GRID1: variants seen among roughly 807,000 people sequenced by gnomAD.
GRID1 encodes the protein glutamate ionotropic receptor delta type subunit 1.
GRID1 carries 28 observed loss-of-function variants against 98.0 expected under a neutral mutation model. That is an observed-to-expected ratio of 0.29 (90% CI 0.21 to 0.39). The LOEUF is 0.39. GRID1 is among the 10% of genes least tolerant of loss of function. The probability of loss-of-function intolerance (pLI) is 1.00; values close to 1 mark genes in which losing one functional copy is unlikely to be tolerated. For missense variants in GRID1, 1,111 were observed against 1,340.5 expected, an observed-to-expected ratio of 0.83 and a Z score of 2.67; for synonymous variants, 553 against 538.5, an observed-to-expected ratio of 1.03 and a Z score of -0.37.
At chr10:86,119,893 C>T (rs148667422) in intron 4 of GRID1, among the ~76,000 whole-genome samples, 1 of 152,250 alleles carries the variant, frequency 6.6e-6, no homozygotes, top group African/African-American at 2.4e-5. Context: ...TGGGTTCACG[C>T]CATTCTCCTG....
At position 85,902,373 on chromosome 10, in the gene GRID1, G is replaced by A. The variant is rs534491030; in HGVS notation, c.780+13813C>T. On this transcript the variant is annotated intron_variant, in intron 5 of 15. Coordinates refer to ENST00000327946, the MANE Select transcript of GRID1 (RefSeq NM_017551.3). ...GCAGAAGAGCATGCGATTGAAAAACGTATAAATTATTTATTTATGGAATTT... is the reference window on the plus strand; with the variant it reads ...GCAGAAGAGCATGCGATTGAAAAACATATAAATTATTTATTTATGGAATTT... Among the ~76,000 whole-genome samples the A allele has an allele frequency of 5.9e-5, 9 of 152,234 alleles. No homozygotes were observed. In the East Asian group the frequency reaches 7.7e-4, roughly 13 times the overall value.
chr10:85,724,008 A>C (rs1841732964), intron 11 of GRID1, among the ~76,000 whole-genome samples: 1 of 152,298 alleles, frequency 6.6e-6, no homozygotes, highest in African/African-American at 2.4e-5. Flanking sequence ...TTCCCCATTA[A>C]GTCATCAAAT....
intron 6 of GRID1, among the ~76,000 whole-genome samples, chr10:85,856,394 C>T (rs1393039140): frequency 3.3e-5 from 5 of 152,184 alleles, no homozygotes; most frequent in African/African-American, 7.2e-5. Context: ...CCTTGCCCTG[C>T]CTCAGGAACT....
chr10:85,671,781 A>C (rs963035125), intron 12 of GRID1, among the ~76,000 whole-genome samples: 1 of 152,230 alleles, frequency 6.6e-6, no homozygotes, highest in Admixed American at 6.5e-5. Flanking sequence ...CTTGAAGAAA[A>C]CTAAAAGTGA....
At position 85,743,878 on chromosome 10, in the gene GRID1, A is replaced by C. The variant is rs369065106; in HGVS notation, c.1234-14264T>G. 2.6e-5 allele frequency among the ~76,000 whole-genome samples: 4 copies of C among 152,346 alleles called. No homozygotes were observed. In the East Asian group the frequency reaches 7.7e-4, roughly 29 times the overall value. On this transcript the variant is annotated intron_variant, in intron 8 of 15. Transcript: ENST00000327946. ...CTTTGGTTTCTCTTAATTGCATGTC[A>C]TAATGCATGCATAGGTGCATAGATA...
At chr10:86,172,337 T>C (rs1487049978) in intron 3 of GRID1, among the ~76,000 whole-genome samples, 2 of 152,230 alleles carry the variant, frequency 1.3e-5, no homozygotes, top group South Asian at 2.1e-4. Context: ...CAGTACTTCA[T>C]TACTTTTTGT....
chr10:86,246,566 C>T (rs1009709292), intron 2 of GRID1, among the ~76,000 whole-genome samples: 1 of 152,188 alleles, frequency 6.6e-6, no homozygotes, highest in Admixed American at 6.5e-5. Flanking sequence ...GCCATCTCCC[C>T]TTGCTGGCAT....
intron 8 of GRID1, among the ~76,000 whole-genome samples, chr10:85,774,408 G>C (rs1279223572): frequency 6.6e-6 from 1 of 152,176 alleles, no homozygotes; most frequent in African/African-American, 2.4e-5. Flanking sequence ...TCAGGACATA[G>C]GCATGGGCAA....
At chr10:85,627,621 C>G (rs1234159205) in intron 13 of GRID1, among the ~76,000 whole-genome samples, 2 of 152,186 alleles carry the variant, frequency 1.3e-5, no homozygotes, top group African/African-American at 4.8e-5. Flanking sequence ...CAAGCCTCAC[C>G]TTTTGTGATT....
At chr10:86,170,753 G>A (rs886909036) in intron 3 of GRID1, among the ~76,000 whole-genome samples, 1 of 152,226 alleles carries the variant, frequency 6.6e-6, no homozygotes, top group East Asian at 1.9e-4. Context: ...AGGAGGAAGA[G>A]TCCTTCTTGG....
At chr10:85,892,691 A>T (rs1014260737) in intron 5 of GRID1, among the ~76,000 whole-genome samples, 38 of 152,142 alleles carry the variant, frequency 2.5e-4, no homozygotes, top group African/African-American at 8.0e-4. Context: ...CTAAAAAAAT[A>T]GAATGTGTTC....
At chr10:85,911,465 G>C (rs1005480990) in intron 5 of GRID1, among the ~76,000 whole-genome samples, 2 of 152,128 alleles carry the variant, frequency 1.3e-5, no homozygotes, top group Non-Finnish European at 2.9e-5. Flanking sequence ...AAGTGGCAAG[G>C]GCCTGCTGAC....
At chr10:85,926,417 G>A (rs1350529887) in intron 4 of GRID1, among the ~76,000 whole-genome samples, 4 of 152,140 alleles carry the variant, frequency 2.6e-5, no homozygotes, top group Non-Finnish European at 5.9e-5. Flanking sequence ...CATCCACAAT[G>A]TAAATTTTGC....
rs542186799 is a variant in GRID1 at position 85,918,211 on chromosome 10, A to G, written c.727-1972T>C. Among the ~76,000 whole-genome samples the G allele has an allele frequency of 3.9e-5, 6 of 152,328 alleles. No individual in the cohort carries two copies. The South Asian group carries it at 1.2e-3, about 32-fold the overall frequency. On this transcript the variant is annotated intron_variant, in intron 4 of 15. Transcript: ENST00000327946. ...TGGCTGGAACACTGAACTGAATCTA[A>G]AGACTTGTGGTTTAGCAAGACCAAA...
At chr10:85,876,577 C>A (rs766386779) in intron 5 of GRID1, among the ~76,000 whole-genome samples, 3 of 152,146 alleles carry the variant, frequency 2.0e-5, no homozygotes, top group Non-Finnish European at 4.4e-5. Flanking sequence ...TCTTTGGAGT[C>A]CATTATTCAG....
At chr10:85,652,135 G>A (rs1843279154) in intron 12 of GRID1, among the ~76,000 whole-genome samples, 4 of 152,128 alleles carry the variant, frequency 2.6e-5, no homozygotes, top group Admixed American at 2.6e-4. Context: ...CTCTAGGGAA[G>A]ACCCACCATG....
intron 13 of GRID1, among the ~76,000 whole-genome samples, chr10:85,638,506 C>A (rs1378922900): frequency 1.3e-5 from 2 of 152,034 alleles, no homozygotes; most frequent in Non-Finnish European, 2.9e-5. Flanking sequence ...TTATATGGAT[C>A]AATGGAACAG....
intron 5 of GRID1, among the ~76,000 whole-genome samples, chr10:85,906,677 T>A (rs1158941331): frequency 6.6e-6 from 1 of 152,052 alleles, no homozygotes; most frequent in Non-Finnish European, 1.5e-5. Context: ...CCAAAAGTAA[T>A]ATAGAAGTAT....
Position 85,973,373 on chromosome 10 carries a change from AT to A in GRID1, c.727-57135del, listed in dbSNP as rs201981223. Among the ~76,000 whole-genome samples the A allele has an allele frequency of 1.0e-3, 153 of 152,104 alleles. No individual in the cohort carries two copies. The Middle Eastern group carries it at 0.01, about 10-fold the overall frequency. ...AGCCTACTTTTTGCTATTTGTAGTTATTTTTTTCCAAATAACTAATACATTC... is the reference window on the plus strand; with the variant it reads ...AGCCTACTTTTTGCTATTTGTAGTTATTTTTTCCAAATAACTAATACATTC... On this transcript the variant is annotated intron_variant, in intron 4 of 15. Transcript: ENST00000327946.
Sources: allele counts gnomAD v4.1 joint callset (sites outside exome capture counted in the v4.1 genomes callset), GRCh38; gene constraint gnomAD v4.1.1; transcripts MANE v1.5; gene names NCBI Gene and HGNC (gene_info 2026-07-23, HGNC 2026-07-21).